The following WDR4 variants were observed in gnomAD, a reference collection of about 807,000 sequenced individuals.
WDR4 encodes WDR4 tRNA N7-guanosine methyltransferase non-catalytic subunit.
A neutral mutation model predicts 48.6 loss-of-function variants in WDR4; 47 were observed. That is an observed-to-expected ratio of 0.97 (90% CI 0.77 to 1.23). The LOEUF is 1.23. Ranked by LOEUF, WDR4 falls within the 50% of genes most tolerant of loss-of-function variation. The probability of loss-of-function intolerance (pLI) is 0.00; values close to 1 mark genes in which losing one functional copy is unlikely to be tolerated. For synonymous variants in WDR4, 268 were observed against 230.0 expected (o/e 1.17, Z -1.49); for missense variants, 606 against 551.6 (o/e 1.10, Z -0.99).
chr21:42,846,779 T>A (rs555876318), downstream of WDR4, among the ~76,000 whole-genome samples: 2 of 152,144 alleles, frequency 1.3e-5, no homozygotes, highest in South Asian at 4.1e-4. Flanking sequence ...CCCAGCACTT[T>A]GGGAGTGCGA....
At chr21:42,844,583 C>A (rs2057695139), downstream of WDR4, among the ~76,000 whole-genome samples, 1 of 152,184 alleles carries the variant, frequency 6.6e-6, no homozygotes, top group African/African-American at 2.4e-5. Context: ...CTCGGAACCC[C>A]ACGTCGGCTG....
the WDR4 span, among the ~76,000 whole-genome samples, chr21:42,887,225 CAGGTGAT>C: frequency 6.6e-6 from 1 of 152,002 alleles, no homozygotes; most frequent in Non-Finnish European, 1.5e-5. Context: ...CTCCCAACCT[CAGGTGAT>C]CCGCCCACCT....
chr21:42,860,825 T>C (rs989594721), intron 5 of WDR4, among the ~76,000 whole-genome samples: 3 of 152,218 alleles, frequency 2.0e-5, no homozygotes, highest in Non-Finnish European at 4.4e-5. Context: ...GGCACCACGC[T>C]GAGGGCTGCA....
At chr21:42,869,749 C>A (rs760076373) in intron 3 of WDR4, among the ~76,000 whole-genome samples, 7 of 152,178 alleles carry the variant, frequency 4.6e-5, no homozygotes, top group Non-Finnish European at 7.3e-5. Context: ...GTGGCTCACA[C>A]CTGTAATCCC....
rs754186769 is a variant in WDR4 at position 42,879,391 on chromosome 21, A to G, written c.89+16T>C. 1 of 1,612,808 alleles carries G rather than the reference A, an allele frequency of 6.2e-7. No homozygotes were observed. The highest frequency in any genetic ancestry group is 1.7e-5 in the Admixed American group (1 of 59,958). ...CGCAGCCTGGTCTCCCTGTTCCAAG[A>G]CCAAGGCCCCCTCACCTGCTTGCTA... On this transcript the variant is annotated intron_variant, in intron 1 of 10. Coordinates refer to ENST00000398208, the MANE Select transcript of WDR4 (RefSeq NM_018669.6).
At chr21:42,882,744 A>G (rs1601200031), upstream of WDR4, among the ~76,000 whole-genome samples, 1 of 151,066 alleles carries the variant, frequency 6.6e-6, no homozygotes, top group African/African-American at 2.4e-5. Flanking sequence ...AGGAGAATCA[A>G]TTGAGGTCAG....
At chr21:42,853,305 TG>T (rs1179132322) in intron 9 of WDR4, among the ~76,000 whole-genome samples, 1 of 152,064 alleles carries the variant, frequency 6.6e-6, no homozygotes, top group Admixed American at 6.5e-5. Context: ...AAGTGTGGTG[TG>T]GGGGGCCACA....
chr21:42,890,843 C>T, the WDR4 span, among the ~76,000 whole-genome samples: 1 of 152,084 alleles, frequency 6.6e-6, no homozygotes, highest in Non-Finnish European at 1.5e-5. Context: ...TTTAATGCAG[C>T]ACCTTATATT....
At chr21:42,857,186 C>G (rs7281701) in intron 6 of WDR4, among the ~76,000 whole-genome samples, 3 of 151,824 alleles carry the variant, frequency 2.0e-5, no homozygotes, top group African/African-American at 7.3e-5. Context: ...TCTGGGGAAA[C>G]GGAGCCGAGG....
intron 9 of WDR4, 76 bp from the exon 10 acceptor site, chr21:42,852,400 T>C (rs2057856922): frequency 1.3e-6 from 2 of 1,524,110 alleles, no homozygotes; most frequent in Non-Finnish European, 9.0e-7. Context: ...CAACACATGC[T>C]GGCCAGAGAG....
Position 42,854,617 on chromosome 21 carries a change from C to T in WDR4, c.736G>A (p.Ala246Thr), listed in dbSNP as rs770871520. The T allele has an allele frequency of 2.3e-5, 37 of 1,613,492 alleles. No individual in the cohort carries two copies. The highest frequency in any genetic ancestry group is 8.9e-5 in the East Asian group (4 of 44,878). Residue 246 changes from alanine to threonine, a missense_variant, in exon 8 of 11, where the codon GCG (alanine) becomes ACG (threonine). By Grantham distance (58) the Ala-to-Thr change is moderately conservative. Coordinates refer to ENST00000398208, the MANE Select transcript of WDR4 (RefSeq NM_018669.6). Reference sequence around the variant, plus strand: ...TGGCACCAGAATGCAATCCTGGACGCGGCAAACTTCTAAAAGGAGAAGAAG... The same window carrying T: ...TGGCACCAGAATGCAATCCTGGACGTGGCAAACTTCTAAAAGGAGAAGAAG... Reference protein sequence around the residue: ...VDPQAPQKFAASRIAFWCQEN... With the variant: ...VDPQAPQKFATSRIAFWCQEN...
chr21:42,843,117 C>T (rs986469355), exon 12 of WDR4: 1 of 152,162 alleles, frequency 6.6e-6, no homozygotes, highest in African/African-American at 2.4e-5. Flanking sequence ...ATTTACTACA[C>T]AGACTCAGTA....
At chr21:42,882,070 G>C (rs1412386687), upstream of WDR4, among the ~76,000 whole-genome samples, 3 of 151,642 alleles carry the variant, frequency 2.0e-5, no homozygotes, top group African/African-American at 7.3e-5. Context: ...CAAAGTGCTG[G>C]GATTACAGGC....
intron 10 of WDR4, among the ~76,000 whole-genome samples, chr21:42,851,485 G>C (rs561458227): frequency 5.1e-4 from 78 of 152,338 alleles, no homozygotes; most frequent in African/African-American, 1.9e-3. Flanking sequence ...GAACCTCAGT[G>C]CTCACTGCAG....
intron 3 of WDR4, among the ~76,000 whole-genome samples, chr21:42,864,539 G>A (rs1016139925): frequency 3.3e-5 from 5 of 152,138 alleles, no homozygotes; most frequent in African/African-American, 1.2e-4. Context: ...TACCCTCCTC[G>A]GGAGGAAGCT....
chr21:42,869,504 G>A (rs1230961406), intron 3 of WDR4, among the ~76,000 whole-genome samples: 1 of 152,108 alleles, frequency 6.6e-6, no homozygotes, highest in African/African-American at 2.4e-5. Flanking sequence ...AGTGGTTACC[G>A]GTGCAGCTCA....
At chr21:42,873,441 T>C (rs2146095618) in intron 3 of WDR4, 110 bp downstream of exon 3, 2 of 1,477,456 alleles carry the variant, frequency 1.4e-6, no homozygotes, top group East Asian at 2.3e-5. Flanking sequence ...TGCGGCTCCG[T>C]GTCAACCACT....
chr21:42,855,628 GACT>G, intron 7 of WDR4, 51 bp downstream of exon 7: 1 of 1,354,744 alleles, frequency 7.4e-7, no homozygotes, highest in Non-Finnish European at 9.9e-7. Flanking sequence ...CAAGTCAGGC[GACT>G]GCCGGTGTCT....
chr21:42,877,761 C>T (rs377325982), intron 1 of WDR4, among the ~76,000 whole-genome samples: 2 of 151,952 alleles, frequency 1.3e-5, no homozygotes, highest in Admixed American at 1.3e-4. Context: ...TAAGAAATTA[C>T]GGGCCGGGCG....
Sources: gnomAD v4.1 joint callset for allele counts (sites outside exome capture counted in the v4.1 genomes callset) on GRCh38, gnomAD v4.1.1 for gene constraint, MANE v1.5 for transcripts, NCBI Gene and HGNC (gene_info 2026-07-23, HGNC 2026-07-21) for gene names.